The following ZC3H6 variants were observed in gnomAD, a reference collection of about 807,000 sequenced individuals.
ZC3H6 encodes zinc finger CCCH-type containing 6.
A neutral mutation model predicts 107.7 loss-of-function variants in ZC3H6; 40 were observed. The observed-to-expected ratio is 0.37, with a 90% confidence interval of 0.29 to 0.48. ZC3H6 has a LOEUF of 0.48. Among genes scored for constraint, ZC3H6 ranks in the 20% least tolerant of loss-of-function variants. The pLI is 0.98. For missense variants in ZC3H6, 1,267 were observed against 1,410.4 expected (o/e 0.90, Z 1.63); for synonymous variants, 493 against 487.9 (o/e 1.01, Z -0.14).
chr2:112,290,517 TTTGA>T (rs1307155970), intron 1 of ZC3H6, among the ~76,000 whole-genome samples: 2 of 152,252 alleles, frequency 1.3e-5, no homozygotes, highest in Non-Finnish European at 2.9e-5. Flanking sequence ...TGTGTGATTC[TTTGA>T]TTGGTGTCTG....
intron 1 of ZC3H6, chr2:112,285,983 TC>T (rs1558945468): frequency 1.1e-5 from 2 of 188,500 alleles, no homozygotes; most frequent in African/African-American, 4.8e-5. Flanking sequence ...ATTCTCACTT[TC>T]TGTTGTTGTT....
intron 1 of ZC3H6, among the ~76,000 whole-genome samples, chr2:112,280,769 A>C (rs10167090): frequency 6.6e-6 from 1 of 151,850 alleles, no homozygotes; most frequent in African/African-American, 2.4e-5. Context: ...AAGTAGGTTC[A>C]GGGATGATAA....
chr2:112,339,896 A>T lies in ZC3H6; in HGVS notation c.*7408A>T, dbSNP rs949560809. The T allele has an allele frequency of 3.3e-5, 5 of 152,278 alleles. No homozygotes were observed. In the East Asian group the frequency reaches 9.7e-4, roughly 29 times the overall value. 9.4% of individuals were successfully genotyped at this position (152,278 alleles called of 1,614,324 possible). On this transcript the variant is annotated 3_prime_UTR_variant, in exon 12 of 12. Coordinates refer to ENST00000409871, the MANE Select transcript of ZC3H6 (RefSeq NM_198581.3). ...GTATACTTTGCTGAACTGATAAATTATTCTATTAAGGACTAACCCAGTACT... is the reference window on the plus strand; with the variant it reads ...GTATACTTTGCTGAACTGATAAATTTTTCTATTAAGGACTAACCCAGTACT...
intron 1 of ZC3H6, among the ~76,000 whole-genome samples, chr2:112,278,394 T>A (rs1686467451): frequency 1.3e-5 from 2 of 152,214 alleles, no homozygotes; most frequent in African/African-American, 4.8e-5. Flanking sequence ...CTCAGCTCAC[T>A]GCAAGCTCCA....
intron 5 of ZC3H6, among the ~76,000 whole-genome samples, chr2:112,314,156 T>A (rs1404416575): frequency 6.6e-6 from 1 of 151,538 alleles, no homozygotes; most frequent in African/African-American, 2.4e-5. Flanking sequence ...TTGGTTTTTT[T>A]TCTCCCTCCA....
intron 1 of ZC3H6, among the ~76,000 whole-genome samples, chr2:112,293,404 G>A (rs1676157894): frequency 6.6e-6 from 1 of 152,190 alleles, no homozygotes; most frequent in Non-Finnish European, 1.5e-5. Flanking sequence ...GTGTAAGAAT[G>A]TATTGGATAA....
Position 112,322,882 on chromosome 2 carries a change from A to G in ZC3H6, c.1320A>G (p.Leu440=). The G allele has an allele frequency of 6.3e-7, 1 of 1,586,826 alleles. No individual in the cohort carries two copies. The highest frequency in any genetic ancestry group is 1.9e-5 in the Admixed American group (1 of 52,160). The change falls in exon 9 of 12, where the codon TTA becomes TTG. Residue 440 remains leucine, a synonymous_variant. Coordinates refer to ENST00000409871, the MANE Select transcript of ZC3H6 (RefSeq NM_198581.3). The stretch of plus-strand genomic sequence containing the variant: ...TAGTTGTAAAACCTACTGTGGATTT[A>G]GCGCATAAAATTGGGAGGAAGTAAG... ...FEIVVKPTVD[L]AHKIGRKPPA...
chr2:112,299,975 TAAGA>T lies in ZC3H6; in HGVS notation c.164_167del (p.Lys55ArgfsTer66). On this transcript the variant is annotated frameshift_variant, in exon 2 of 12. Coordinates refer to ENST00000409871, the MANE Select transcript of ZC3H6 (RefSeq NM_198581.3). LOFTEE classifies it high-confidence loss of function. ...CCTACAGAAAATCAAGAAAAAAACA[TAAGA>T]AAGAGAGAGAGAAGAAAAAATCCAA... 1.3e-6 allele frequency: 2 copies of T among 1,501,008 alleles called. No individual in the cohort carries two copies. The highest frequency in any genetic ancestry group is 8.9e-7 in the Non-Finnish European group (1 of 1,126,456). 93.0% of individuals were successfully genotyped at this position (1,501,008 alleles called of 1,614,324 possible). A position where few individuals can be genotyped will look rare whatever the true frequency, so the allele number is the denominator to read the frequency against.
At chr2:112,288,367 A>G (rs572156652) in intron 1 of ZC3H6, among the ~76,000 whole-genome samples, 1 of 152,314 alleles carries the variant, frequency 6.6e-6, no homozygotes, top group East Asian at 1.9e-4. Flanking sequence ...TTCTATTCAG[A>G]TATGTATAGT....
At chr2:112,309,604 G>A (rs1378137649) in intron 3 of ZC3H6, among the ~76,000 whole-genome samples, 1 of 152,116 alleles carries the variant, frequency 6.6e-6, no homozygotes, top group African/African-American at 2.4e-5. Flanking sequence ...ATGATTGTGT[G>A]TATTTTTACT....
intron 1 of ZC3H6, among the ~76,000 whole-genome samples, chr2:112,294,749 C>T (rs1466445012): frequency 6.6e-6 from 1 of 152,084 alleles, no homozygotes; most frequent in Non-Finnish European, 1.5e-5. Context: ...TCTATTAAGG[C>T]ATATCAGTTT....
chr2:112,323,063 C>T (rs1437773052), intron 9 of ZC3H6, among the ~76,000 whole-genome samples, 161 bp downstream of exon 9: 1 of 152,150 alleles, frequency 6.6e-6, no homozygotes, highest in East Asian at 1.9e-4. Context: ...GTTTTCGGTT[C>T]CCACCTGCTG....
chr2:112,313,179 T>TC (rs1248061849), intron 5 of ZC3H6, among the ~76,000 whole-genome samples: 1 of 151,778 alleles, frequency 6.6e-6, no homozygotes, highest in African/African-American at 2.4e-5. Context: ...CATCATTTAC[T>TC]CAACTACAAA....
At chr2:112,276,051 T>G (rs1229205048) in intron 1 of ZC3H6, 25 bp downstream of exon 1, 9 of 1,538,602 alleles carry the variant, frequency 5.8e-6, no homozygotes, top group Admixed American at 2.0e-5. Flanking sequence ...TTGTCTGTCT[T>G]TCTGTCGGAT....
At chr2:112,282,831 C>T (rs1686550269) in intron 1 of ZC3H6, among the ~76,000 whole-genome samples, 2 of 152,130 alleles carry the variant, frequency 1.3e-5, no homozygotes, top group African/African-American at 2.4e-5. Context: ...ATGGCATCGG[C>T]GCTGATAAAG....
chr2:112,338,490 T>C lies in ZC3H6; in HGVS notation c.*6002T>C, dbSNP rs1029200866. The C allele has an allele frequency of 6.6e-6, 1 of 152,224 alleles. No individual in the cohort carries two copies. Among genetic ancestry groups the C allele is most frequent in the Non-Finnish European group, 1.5e-5 (1 of 68,032 alleles). The allele number at this position is 152,224 out of a possible 1,614,324, so 9.4% of individuals were successfully genotyped here. ...GGAAGAGCTGTGAGTTCAAAGAAGA[T>C]TGTGAGTTCTTGGAATAGTATTTTA... is the stretch of plus-strand genomic sequence containing the variant. On this transcript the variant is annotated 3_prime_UTR_variant, in exon 12 of 12. Coordinates refer to ENST00000409871, the MANE Select transcript of ZC3H6 (RefSeq NM_198581.3).
At chr2:112,330,288 C>T (rs1325585661) in intron 11 of ZC3H6, among the ~76,000 whole-genome samples, 1 of 152,046 alleles carries the variant, frequency 6.6e-6, no homozygotes, top group African/African-American at 2.4e-5. Context: ...CTCATGACCT[C>T]GTGATCCGCC....
chr2:112,312,934 T>A (rs1049279766), intron 5 of ZC3H6, among the ~76,000 whole-genome samples: 2 of 151,528 alleles, frequency 1.3e-5, no homozygotes, highest in African/African-American at 4.9e-5. Context: ...AATTTGAAAA[T>A]GCTTGGTTTT....
chr2:112,291,930 CT>C (rs1455832779), intron 1 of ZC3H6, among the ~76,000 whole-genome samples: 1 of 152,078 alleles, frequency 6.6e-6, no homozygotes, highest in African/African-American at 2.4e-5. Flanking sequence ...GTTGACCAGG[CT>C]GGTCTCGAAC....
Sources: gnomAD v4.1 joint callset for allele counts (sites outside exome capture counted in the v4.1 genomes callset) on GRCh38, gnomAD v4.1.1 for gene constraint, MANE v1.5 for transcripts, NCBI Gene and HGNC (gene_info 2026-07-23, HGNC 2026-07-21) for gene names.